The following EZH2 variants were observed in gnomAD, a reference collection of about 807,000 sequenced individuals.
EZH2 encodes the protein histone-lysine N-methyltransferase EZH2.
Under a neutral mutation model 98.4 loss-of-function variants are expected in EZH2, and 18 were observed. The observed-to-expected ratio is 0.18, with a 90% CI of 0.13 to 0.27. The LOEUF (loss-of-function observed/expected upper bound fraction) is 0.27, where lower values mean the gene tolerates loss of function less well. EZH2 is among the 10% of genes least tolerant of loss of function. The probability of loss-of-function intolerance (pLI) is 1.00; values close to 1 mark genes in which losing one functional copy is unlikely to be tolerated. For missense variants in EZH2, 470 were observed against 935.1 expected (o/e 0.50, Z 6.49); for synonymous variants, 338 against 312.3 (o/e 1.08, Z -0.87).
At chr7:148,860,973 T>G (rs890684611) in intron 1 of EZH2, among the ~76,000 whole-genome samples, 9 of 152,126 alleles carry the variant, frequency 5.9e-5, no homozygotes, top group Non-Finnish European at 2.9e-5. Context: ...ACACCTGGCC[T>G]GTTTTTTATT....
chr7:148,870,722 C>T (rs1007641935), intron 1 of EZH2, among the ~76,000 whole-genome samples: 19 of 149,964 alleles, frequency 1.3e-4, no homozygotes, highest in Admixed American at 4.7e-4. Flanking sequence ...GTATAAAGTT[C>T]ATCTTATTAC....
At position 148,829,840 on chromosome 7, in the gene EZH2, A is replaced by T. The variant is rs765380980; in HGVS notation, c.372T>A (p.Asp124Glu). The change falls in exon 5 of 20, where the codon GAT becomes GAA. Residue 124 changes from aspartate (D) to glutamate (E), a missense_variant. Physicochemically the swap from Asp to Glu is conservative, Grantham distance 45. Around this residue, in one of 6 missense-constraint regions of EZH2, gnomAD observed 21 missense variants for 84.2 expected, o/e 0.25. Transcript: ENST00000320356. The part of the protein sequence containing the change: ...SPLQQNFMVE[D>E]ETVLHNIPYM... ...AAGGAATGTTATGTAAAACAGTTTC[A>T]TCTTCCACCTAAAAGAAAAAAATAT... 1 of 1,570,048 alleles carries T rather than the reference A, an allele frequency of 6.4e-7. No homozygotes were observed. The highest frequency in any genetic ancestry group is 1.4e-5 in the African/African-American group (1 of 72,910).
chr7:148,834,318 A>G (rs1331793780), intron 3 of EZH2, among the ~76,000 whole-genome samples: 1 of 149,604 alleles, frequency 6.7e-6, no homozygotes, highest in African/African-American at 2.5e-5. Context: ...AAGTGTAGTA[A>G]AATGAAACTG....
chr7:148,824,717 T>C (rs1035810439), intron 8 of EZH2, among the ~76,000 whole-genome samples: 1 of 152,204 alleles, frequency 6.6e-6, no homozygotes, highest in Non-Finnish European at 1.5e-5. Context: ...AAATATACCA[T>C]GTGTGGTATT....
intron 1 of EZH2, among the ~76,000 whole-genome samples, chr7:148,870,865 G>A (rs1917057): frequency 0.17 from 25,790 of 151,552 alleles, 2,342 homozygotes; most frequent in East Asian, 0.25. Flanking sequence ...GGAGGCAGAG[G>A]CTGCAGTAAG....
Position 148,816,887 on chromosome 7 carries a change from A to G in EZH2, c.1411-109T>C, listed in dbSNP as rs897520159. 6 of 777,090 alleles carry G rather than the reference A, an allele frequency of 7.7e-6. No individual in the cohort carries two copies. The Admixed American group carries it at 1.2e-4, about 15-fold the overall frequency. 48.1% of individuals were successfully genotyped at this position (777,090 alleles called of 1,614,324 possible). On this transcript the variant is annotated intron_variant, in intron 11 of 19. Transcript: ENST00000320356. ...TCTTTGTCTCTTCTGTGACACTGCTAGATGCTGGGGATATAACACACATCG... is the reference window on the plus strand; with the variant it reads ...TCTTTGTCTCTTCTGTGACACTGCTGGATGCTGGGGATATAACACACATCG...
Position 148,825,480 on chromosome 7 carries a change from C to T in EZH2, c.907+974G>A, listed in dbSNP as rs552464141. On this transcript the variant is annotated intron_variant, in intron 8 of 19. Transcript: ENST00000320356. ...AAAACAAAACTTAACATTTCCAGAC[C>T]AATGTATTACATCACTCAACACATT... 1.9e-3 allele frequency among the ~76,000 whole-genome samples: 285 copies of T among 152,238 alleles called. 1 individual carries two copies. Among genetic ancestry groups the T allele is most frequent in the Non-Finnish European group, 2.8e-3 (188 of 68,020 alleles).
chr7:148,811,612 A>G lies in EZH2; in HGVS notation c.1947+13T>C. ...ATACAATGCCACCTGAATACAGGTTATCAGTGCCTTACCTCTCCACAGTAT... is the reference window on the plus strand; with the variant it reads ...ATACAATGCCACCTGAATACAGGTTGTCAGTGCCTTACCTCTCCACAGTAT... On this transcript the variant is annotated intron_variant, in intron 16 of 19. Coordinates refer to ENST00000320356, the MANE Select transcript of EZH2 (RefSeq NM_004456.5). 1 of 1,606,362 alleles carries G rather than the reference A, an allele frequency of 6.2e-7. No homozygotes were observed. The highest frequency in any genetic ancestry group is 8.5e-7 in the Non-Finnish European group (1 of 1,173,578).
chr7:148,819,650 G>A lies in EZH2; in HGVS notation c.945C>T (p.Asn315=), dbSNP rs1563217383. Residue 315 remains asparagine (N), a synonymous_variant, in exon 9 of 20, where the codon AAC becomes AAT. Transcript: ENST00000320356. The stretch of plus-strand genomic sequence containing the variant: ...GTTTGTTGTCTAGAGCTGTTTCTGT[G>A]TTCTTCCGCTTATAAGTGTTGGGTG... The part of the protein sequence containing the change: ...HATPNTYKRK[N]TETALDNKPC... 6.2e-7 allele frequency: 1 copy of A among 1,614,082 alleles called. No homozygotes were observed. The highest frequency in any genetic ancestry group is 8.5e-7 in the Non-Finnish European group (1 of 1,179,956).
chr7:148,853,410 C>T (rs1421683356), intron 1 of EZH2, among the ~76,000 whole-genome samples: 1 of 151,986 alleles, frequency 6.6e-6, no homozygotes, highest in Non-Finnish European at 1.5e-5. Flanking sequence ...AGACGAGACT[C>T]CGTCTCCAAA....
intron 16 of EZH2, among the ~76,000 whole-genome samples, chr7:148,810,788 C>T (rs559570823): frequency 1.1e-4 from 16 of 151,130 alleles, no homozygotes; most frequent in African/African-American, 2.4e-4. Context: ...CCCAGCTACT[C>T]GGGACACTGA....
At chr7:148,808,496 G>T (rs1415180906) in intron 19 of EZH2, among the ~76,000 whole-genome samples, 2 of 152,212 alleles carry the variant, frequency 1.3e-5, no homozygotes, top group African/African-American at 4.8e-5. Context: ...GTATCCCACA[G>T]AGCTTGACAG....
intron 1 of EZH2, among the ~76,000 whole-genome samples, chr7:148,867,616 T>A (rs1284990351): frequency 6.6e-6 from 1 of 152,228 alleles, no homozygotes; most frequent in African/African-American, 2.4e-5. Context: ...AAAAGCATTT[T>A]ACCCCATGTA....
chr7:148,864,493 G>T (rs1239191868), intron 1 of EZH2, among the ~76,000 whole-genome samples: 1 of 151,978 alleles, frequency 6.6e-6, no homozygotes, highest in Non-Finnish European at 1.5e-5. Flanking sequence ...GACCAGCCTG[G>T]ACAATATGGT....
At chr7:148,807,811 C>CT (rs1275795611) in intron 19 of EZH2, 105 bp from the exon 20 acceptor site, 8 of 329,992 alleles carry the variant, frequency 2.4e-5, no homozygotes, top group South Asian at 6.7e-5. Context: ...ATTAAAATGT[C>CT]TTTAAAAAAA....
intron 1 of EZH2, among the ~76,000 whole-genome samples, chr7:148,870,030 G>A (rs1819117301): frequency 6.6e-6 from 1 of 152,144 alleles, no homozygotes; most frequent in Admixed American, 6.5e-5. Context: ...AGACCAGCCT[G>A]GGCAATGTGA....
intron 1 of EZH2, among the ~76,000 whole-genome samples, chr7:148,854,430 C>T (rs1165502210): frequency 3.6e-4 from 50 of 140,556 alleles, no homozygotes; most frequent in African/African-American, 1.2e-3. Flanking sequence ...AGTGAGACTC[C>T]GTCTCAAAAA....
intron 8 of EZH2, among the ~76,000 whole-genome samples, chr7:148,824,437 T>C (rs1035841647): frequency 2.6e-5 from 4 of 152,224 alleles, no homozygotes; most frequent in Non-Finnish European, 4.4e-5. Context: ...ATTTTTACTG[T>C]ATATTTTCTA....
intron 1 of EZH2, among the ~76,000 whole-genome samples, chr7:148,877,914 A>G (rs893900202): frequency 3.3e-5 from 5 of 152,334 alleles, no homozygotes; most frequent in African/African-American, 1.2e-4. Flanking sequence ...TGGAGTAGAT[A>G]ATATGTAGTG....
Sources: allele counts gnomAD v4.1 joint callset (sites outside exome capture counted in the v4.1 genomes callset), GRCh38; gene constraint gnomAD v4.1.1; regional missense constraint gnomAD v4.1.1; transcripts MANE v1.5; gene names NCBI Gene and HGNC (gene_info 2026-07-23, HGNC 2026-07-21).